CACNA1E: variants seen among roughly 807,000 people sequenced by gnomAD.
The protein encoded by CACNA1E is calcium voltage-gated channel subunit alpha1 E, also known as voltage-dependent R-type calcium channel subunit alpha-1E.
A neutral mutation model predicts 259.2 loss-of-function variants in CACNA1E; 40 were observed. The ratio of observed to expected loss-of-function variants is 0.15; its 90% CI spans 0.12 to 0.20. The LOEUF (loss-of-function observed/expected upper bound fraction) is 0.20. CACNA1E is among the 10% of genes least tolerant of loss of function. The pLI is 1.00. For missense variants in CACNA1E, 1,874 were observed against 3,040.1 expected, an observed-to-expected ratio of 0.62 and a Z score of 9.02; for synonymous variants, 1,104 against 1,138.5, an observed-to-expected ratio of 0.97 and a Z score of 0.61.
At chr1:181,604,689 A>T (rs538788544) in intron 6 of CACNA1E, among the ~76,000 whole-genome samples, 64 of 152,346 alleles carry the variant, frequency 4.2e-4, no homozygotes, top group African/African-American at 1.5e-3. Flanking sequence ...AACTGTGCTT[A>T]CTACACACTT....
intron 25 of CACNA1E, among the ~76,000 whole-genome samples, chr1:181,746,630 C>T (rs1657111210): frequency 6.6e-6 from 1 of 152,220 alleles, no homozygotes; most frequent in African/African-American, 2.4e-5. Flanking sequence ...TGGAGAAGGT[C>T]ATCCCTGAAC....
intron 1 of CACNA1E, among the ~76,000 whole-genome samples, chr1:181,403,612 G>C (rs924629151): frequency 1.3e-5 from 2 of 152,166 alleles, no homozygotes; most frequent in Non-Finnish European, 2.9e-5. Flanking sequence ...GGGATAAGAA[G>C]ACTCCCTCCT....
intron 1 of CACNA1E, among the ~76,000 whole-genome samples, chr1:181,324,557 G>C (rs775861705): frequency 6.6e-6 from 1 of 152,202 alleles, no homozygotes; most frequent in Non-Finnish European, 1.5e-5. Context: ...AATATTTGCA[G>C]TTTCAGTACC....
intron 1 of CACNA1E, among the ~76,000 whole-genome samples, chr1:181,488,083 G>A (rs979800646): frequency 6.6e-6 from 1 of 152,182 alleles, no homozygotes; most frequent in African/African-American, 2.4e-5. Context: ...GAGGTTGTAT[G>A]CTTTACTACT....
At chr1:181,447,428 GC>G (rs1357562243) in intron 2 of CACNA1E, among the ~76,000 whole-genome samples, 1 of 151,860 alleles carries the variant, frequency 6.6e-6, no homozygotes, top group Non-Finnish European at 1.5e-5. Flanking sequence ...TTATCCAGGA[GC>G]CTGAGGTGGG....
At chr1:181,725,945 C>T (rs755222184) in intron 17 of CACNA1E, 120 bp from the exon 18 acceptor site, 3 of 647,586 alleles carry the variant, frequency 4.6e-6, no homozygotes, top group Admixed American at 5.2e-5. Context: ...CTTGTTTATC[C>T]TCTTCCTGTG....
At chr1:181,364,590 G>C (rs1350118510) in intron 1 of CACNA1E, among the ~76,000 whole-genome samples, 1 of 152,166 alleles carries the variant, frequency 6.6e-6, no homozygotes. Context: ...TGAATTGCAG[G>C]AAGCTACAAG....
intron 2 of CACNA1E, among the ~76,000 whole-genome samples, chr1:181,443,827 A>AT (rs1660646292): frequency 6.6e-6 from 1 of 152,328 alleles, no homozygotes; most frequent in East Asian, 1.9e-4. Context: ...TATGCATAGA[A>AT]TGTATATGTG....
chr1:181,551,122 G>C (rs893018255), intron 3 of CACNA1E, among the ~76,000 whole-genome samples: 6 of 152,112 alleles, frequency 3.9e-5, no homozygotes, highest in Admixed American at 6.5e-5. Context: ...CCTGTGTTTT[G>C]CTTAGAGTTA....
chr1:181,554,211 C>T (rs1279266763), intron 3 of CACNA1E, among the ~76,000 whole-genome samples: 1 of 152,090 alleles, frequency 6.6e-6, no homozygotes, highest in Non-Finnish European at 1.5e-5. Flanking sequence ...TGAGGTTTTG[C>T]CATGTTGCCC....
intron 18 of CACNA1E, among the ~76,000 whole-genome samples, chr1:181,728,475 T>A (rs1345419991): frequency 6.6e-6 from 1 of 152,238 alleles, no homozygotes; most frequent in East Asian, 1.9e-4. Context: ...GAGGTTGGCG[T>A]TGCTGGTGTG....
At chr1:181,427,286 A>C (rs1465144127) in intron 2 of CACNA1E, among the ~76,000 whole-genome samples, 14 of 130,056 alleles carry the variant, frequency 1.1e-4, no homozygotes, top group African/African-American at 1.5e-4. Context: ...TCTCAACCTC[A>C]CTCATCTCAA....
intron 6 of CACNA1E, among the ~76,000 whole-genome samples, chr1:181,627,659 T>A (rs1387486891): frequency 1.3e-5 from 2 of 152,204 alleles, no homozygotes; most frequent in African/African-American, 4.8e-5. Flanking sequence ...GGTAAGGGAA[T>A]GCTGTATAAG....
chr1:181,778,820 A>G (rs1417525804), intron 38 of CACNA1E, among the ~76,000 whole-genome samples: 2 of 152,108 alleles, frequency 1.3e-5, no homozygotes, highest in African/African-American at 2.4e-5. Context: ...GCAGGCTCCT[A>G]CTGAGTAAAG....
intron 1 of CACNA1E, among the ~76,000 whole-genome samples, chr1:181,327,616 A>T (rs1156586188): frequency 6.6e-6 from 1 of 152,200 alleles, no homozygotes; most frequent in Non-Finnish European, 1.5e-5. Context: ...TATTGTCTAG[A>T]ACACAGTTAA....
intron 22 of CACNA1E, among the ~76,000 whole-genome samples, chr1:181,737,317 C>T (rs891247782): frequency 1.3e-5 from 2 of 152,202 alleles, no homozygotes; most frequent in Admixed American, 6.5e-5. Context: ...GGCTTGCGTG[C>T]TGCAGCCTCT....
At chr1:181,536,936 C>A (rs538641189) in intron 3 of CACNA1E, among the ~76,000 whole-genome samples, 1 of 152,020 alleles carries the variant, frequency 6.6e-6, no homozygotes, top group Admixed American at 6.5e-5. Flanking sequence ...GCTTGATCTT[C>A]CTGCTACTGT....
chr1:181,593,174 G>A (rs897079830), intron 6 of CACNA1E, among the ~76,000 whole-genome samples: 1 of 151,980 alleles, frequency 6.6e-6, no homozygotes, highest in Non-Finnish European at 1.5e-5. Context: ...CACTATATGA[G>A]TGTACTATTT....
chr1:181,497,656 T>A (rs1012756133), intron 1 of CACNA1E, among the ~76,000 whole-genome samples: 1 of 152,242 alleles, frequency 6.6e-6, no homozygotes, highest in African/African-American at 2.4e-5. Context: ...CACAGATAGA[T>A]GTGGTCTGAC....
Sources: gnomAD v4.1 joint callset for allele counts (sites outside exome capture counted in the v4.1 genomes callset) on GRCh38, gnomAD v4.1.1 for gene constraint, MANE v1.5 for transcripts, NCBI Gene and HGNC (gene_info 2026-07-23, HGNC 2026-07-21) for gene names.